Variants in PPFIA1 observed in about 807,000 individuals in gnomAD.
PPFIA1 encodes the protein PPFI scaffold protein A1.
PPFIA1 carries 25 observed loss-of-function variants against 149.9 expected under a neutral mutation model. That is an observed-to-expected ratio of 0.17 (90% CI 0.12 to 0.23). The LOEUF (loss-of-function observed/expected upper bound fraction) is 0.23. PPFIA1 is among the 10% of genes least tolerant of loss of function. The pLI, the probability that PPFIA1 is intolerant of heterozygous loss-of-function variation, is 1.00. For synonymous variants in PPFIA1, 549 were observed against 552.8 expected, an observed-to-expected ratio of 0.99 and a Z score of 0.10; for missense variants, 1,362 against 1,506.5, an observed-to-expected ratio of 0.90 and a Z score of 1.59.
chr11:70,321,523 A>G (rs1222567480), intron 2 of PPFIA1: 1 of 152,272 alleles, frequency 6.6e-6, no homozygotes, highest in Non-Finnish European at 1.5e-5. Context: ...TGTCAAAATA[A>G]GTATGTTTAA....
chr11:70,326,814 G>T lies in PPFIA1; in HGVS notation c.926G>T (p.Arg309Leu), dbSNP rs902270154. The change falls in exon 7 of 28, where the codon CGT (arginine) becomes CTT (leucine). Residue 309 changes from arginine to leucine, a missense_variant. By Grantham distance (102) the Arg-to-Leu change is moderately radical (BLOSUM62 -2). Coordinates refer to ENST00000253925, the MANE Select transcript of PPFIA1 (RefSeq NM_003626.5). ...AACACAAAATTGCAACGAGATGTCCGTGAAGTGAGCAATAACAAAAACTAC... is the reference window on the plus strand; with the variant it reads ...AACACAAAATTGCAACGAGATGTCCTTGAAGTGAGCAATAACAAAAACTAC... ...EMNTKLQRDVREAMAQKEDME... is the reference protein window; with the variant it reads ...EMNTKLQRDVLEAMAQKEDME... 6.2e-7 allele frequency: 1 copy of T among 1,611,840 alleles called. No individual in the cohort carries two copies. The highest frequency in any genetic ancestry group is 1.3e-5 in the African/African-American group (1 of 74,960).
chr11:70,314,106 G>C (rs972663897), intron 2 of PPFIA1, among the ~76,000 whole-genome samples: 3 of 152,224 alleles, frequency 2.0e-5, no homozygotes, highest in African/African-American at 7.2e-5. Context: ...CAGGCACACT[G>C]CATAGGGTGA....
chr11:70,281,305 C>A (rs1335583669), intron 2 of PPFIA1, among the ~76,000 whole-genome samples: 2 of 152,170 alleles, frequency 1.3e-5, no homozygotes, highest in Non-Finnish European at 2.9e-5. Flanking sequence ...TCAGTCAGGG[C>A]CTGGGTGACC....
rs200687045 is a variant in PPFIA1 at position 70,335,022 on chromosome 11, A to AG, written c.1297-539dup. 4.5e-4 allele frequency among the ~76,000 whole-genome samples: 69 copies of AG among 152,390 alleles called. No individual in the cohort carries two copies. In the East Asian group the frequency reaches 0.011, roughly 25 times the overall value. On this transcript the variant is annotated intron_variant, in intron 10 of 27. Transcript: ENST00000253925. ...TGTTACTACATATTAAAATTACTTA[A>AG]GGTAATTATTTATAATTTTTGAATG...
chr11:70,312,866 T>C (rs1175301309), intron 2 of PPFIA1, among the ~76,000 whole-genome samples: 1 of 152,080 alleles, frequency 6.6e-6, no homozygotes, highest in Admixed American at 6.6e-5. Context: ...CAGCTGGACA[T>C]GCAGCCGGGA....
At chr11:70,366,713 A>G (rs963331434) in intron 21 of PPFIA1, among the ~76,000 whole-genome samples, 1 of 152,238 alleles carries the variant, frequency 6.6e-6, no homozygotes, top group Non-Finnish European at 1.5e-5. Flanking sequence ...AATAATCATT[A>G]TATATCTGAA....
chr11:70,364,490 A>G (rs1166338376), intron 21 of PPFIA1: 1 of 152,222 alleles, frequency 6.6e-6, no homozygotes, highest in Non-Finnish European at 1.5e-5. Context: ...GAAGAGCCTC[A>G]CACATTTCTC....
At chr11:70,349,460 CATCTTT>C (rs2055918986) in intron 16 of PPFIA1, among the ~76,000 whole-genome samples, 1 of 151,984 alleles carries the variant, frequency 6.6e-6, no homozygotes, top group Non-Finnish European at 1.5e-5. Context: ...GTGAGAACCC[CATCTTT>C]ATCTAAAAAA....
At chr11:70,293,362 T>C (rs2051669488) in intron 2 of PPFIA1, among the ~76,000 whole-genome samples, 1 of 152,248 alleles carries the variant, frequency 6.6e-6, no homozygotes. Context: ...GTGACACTAT[T>C]GTTTGGTTTC....
intron 21 of PPFIA1, chr11:70,364,247 A>C (rs930173953): frequency 2.0e-4 from 31 of 152,208 alleles, no homozygotes; most frequent in African/African-American, 7.0e-4. Context: ...GCAAATGTTC[A>C]TCCAACATGA....
At chr11:70,333,160 A>AGCAGT in intron 9 of PPFIA1, 1 of 505,172 alleles carries the variant, frequency 2.0e-6, no homozygotes, top group South Asian at 1.5e-5. Flanking sequence ...ATGCTTACTA[A>AGCAGT]CCAGAAGCAG....
Position 70,351,857 on chromosome 11 carries a change from T to A in PPFIA1, c.2164-2444T>A, listed in dbSNP as rs1002528205. Among the ~76,000 whole-genome samples, 23 of 152,222 alleles carry A rather than the reference T, an allele frequency of 1.5e-4. 1 individual carries two copies. Among genetic ancestry groups the A allele is most frequent in the Admixed American group, 1.4e-3 (22 of 15,286 alleles). On this transcript the variant is annotated intron_variant, in intron 16 of 27. Coordinates refer to ENST00000253925, the MANE Select transcript of PPFIA1 (RefSeq NM_003626.5). Reference sequence around the variant, plus strand: ...CTTACTTGTCTCAGATACTCTGACCTCCCTGGCAGCGTTCCTACAGAAGGA... The same window carrying A: ...CTTACTTGTCTCAGATACTCTGACCACCCTGGCAGCGTTCCTACAGAAGGA...
chr11:70,280,477 GA>G (rs1310723205), intron 2 of PPFIA1, among the ~76,000 whole-genome samples: 1 of 152,096 alleles, frequency 6.6e-6, no homozygotes, highest in Non-Finnish European at 1.5e-5. Context: ...GCTGAGGCAG[GA>G]GACTCACTTG....
rs1322000875 is a variant in PPFIA1 at position 70,362,477 on chromosome 11, A to G, written c.2854A>G (p.Thr952Ala). 1.9e-6 allele frequency: 3 copies of G among 1,609,292 alleles called. No individual in the cohort carries two copies. Among genetic ancestry groups the G allele is most frequent in the African/African-American group, 1.3e-5 (1 of 74,802 alleles). ...MSLTSPSAPP[T>A]SRTTLAYGDM... ...GCTGACCAGCCCGTCTGCCCCGCCC[A>G]CATCTAGAACGGTACGTTCAGAGAC... The change falls in exon 21 of 28, where the codon ACA becomes GCA. Residue 952 changes from threonine (T) to alanine (A), a missense_variant. Thr to Ala is a moderately conservative substitution (Grantham distance 58). Coordinates refer to ENST00000253925, the MANE Select transcript of PPFIA1 (RefSeq NM_003626.5).
intron 26 of PPFIA1, among the ~76,000 whole-genome samples, chr11:70,379,143 GCC>G (rs2057603402): frequency 6.6e-6 from 1 of 152,180 alleles, no homozygotes; most frequent in Non-Finnish European, 1.5e-5. Flanking sequence ...CTGTTTGGCA[GCC>G]CCTGTGCTAC....
chr11:70,382,781 G>A (rs374601113), intron 27 of PPFIA1, among the ~76,000 whole-genome samples: 4 of 152,274 alleles, frequency 2.6e-5, no homozygotes, highest in Admixed American at 6.5e-5. Flanking sequence ...ACATGGAGAC[G>A]TAAGCCAAAA....
At chr11:70,353,576 G>A (rs1004632690) in intron 16 of PPFIA1, among the ~76,000 whole-genome samples, 4 of 152,146 alleles carry the variant, frequency 2.6e-5, no homozygotes, top group African/African-American at 7.2e-5. Flanking sequence ...CAGCACATGG[G>A]CGTATTCACG....
chr11:70,331,274 T>A (rs71467482), intron 8 of PPFIA1, among the ~76,000 whole-genome samples: 1 of 151,366 alleles, frequency 6.6e-6, no homozygotes, highest in Admixed American at 6.6e-5. Flanking sequence ...AGTAAGAAAT[T>A]GGGTCTCCTG....
In PPFIA1 at chr11:70,351,056, A is replaced by G. The variant is rs188036383; in HGVS notation, c.2163+2636A>G. 4.8e-5 allele frequency: 55 copies of G among 1,138,684 alleles called. No individual in the cohort carries two copies. The East Asian group carries it at 2.9e-3, about 60-fold the overall frequency. 70.5% of individuals were successfully genotyped at this position (1,138,684 alleles called of 1,614,324 possible). A position where few individuals can be genotyped will look rare whatever the true frequency, so the allele number is the denominator to read the frequency against. Reference sequence around the variant, plus strand: ...GTTTAGTAATTTAACATATCTTTGTATCTCCATAATGTATTGAAGAGTACC... The same window carrying G: ...GTTTAGTAATTTAACATATCTTTGTGTCTCCATAATGTATTGAAGAGTACC... On this transcript the variant is annotated intron_variant, in intron 16 of 27. Coordinates refer to ENST00000253925, the MANE Select transcript of PPFIA1 (RefSeq NM_003626.5).
Sources: allele counts gnomAD v4.1 joint callset (sites outside exome capture counted in the v4.1 genomes callset), GRCh38; gene constraint gnomAD v4.1.1; transcripts MANE v1.5; gene names NCBI Gene and HGNC (gene_info 2026-07-23, HGNC 2026-07-21).